The following PTPRM variants were observed in gnomAD, a reference collection of about 807,000 sequenced individuals.
PTPRM encodes receptor-type tyrosine-protein phosphatase mu.
A neutral mutation model predicts 186.7 loss-of-function variants in PTPRM; 47 were observed. The ratio of observed to expected loss-of-function variants is 0.25; its 90% CI spans 0.20 to 0.32. The LOEUF (loss-of-function observed/expected upper bound fraction) is 0.32. PTPRM is among the 10% of genes least tolerant of loss of function. The pLI, the probability that PTPRM is intolerant of heterozygous loss-of-function variation, is 1.00. For synonymous variants in PTPRM, 668 were observed against 674.9 expected, an observed-to-expected ratio of 0.99 and a Z score of 0.16; for missense variants, 1,494 against 1,865.0, an observed-to-expected ratio of 0.80 and a Z score of 3.66.
At chr18:7,577,729 C>T (rs1220576668) in intron 1 of PTPRM, among the ~76,000 whole-genome samples, 1 of 152,194 alleles carries the variant, frequency 6.6e-6, no homozygotes, top group Non-Finnish European at 1.5e-5. Flanking sequence ...AAAATTTCCA[C>T]CATGAGTTCA....
chr18:7,811,225 A>T (rs2044495398), intron 2 of PTPRM, among the ~76,000 whole-genome samples: 2 of 152,208 alleles, frequency 1.3e-5, no homozygotes, highest in Admixed American at 6.5e-5. Context: ...TTTCCATCAG[A>T]GACACCCTTT....
intron 19 of PTPRM, among the ~76,000 whole-genome samples, chr18:8,295,652 C>G (rs180874839): frequency 1.1e-3 from 173 of 152,302 alleles, no homozygotes; most frequent in African/African-American, 3.9e-3. Context: ...AACCTCCTCA[C>G]ATAGTTGACC....
chr18:8,392,436 A>G (rs374244611), intron 31 of PTPRM, among the ~76,000 whole-genome samples: 1 of 152,104 alleles, frequency 6.6e-6, no homozygotes, highest in Non-Finnish European at 1.5e-5. Flanking sequence ...TATCCTGGCT[A>G]ACACGGTGAA....
chr18:7,596,149 G>C (rs1316666336), intron 1 of PTPRM, among the ~76,000 whole-genome samples: 1 of 152,128 alleles, frequency 6.6e-6, no homozygotes, highest in East Asian at 1.9e-4. Context: ...GGGCCCTTAT[G>C]AAGTGAAATA....
intron 5 of PTPRM, among the ~76,000 whole-genome samples, chr18:7,935,251 C>G (rs576906225): frequency 6.6e-6 from 1 of 152,116 alleles, no homozygotes; most frequent in African/African-American, 2.4e-5. Flanking sequence ...GCTATGGGAA[C>G]CATTTGCTCT....
At chr18:7,956,551 G>A (rs2053323189) in intron 7 of PTPRM, among the ~76,000 whole-genome samples, 1 of 152,182 alleles carries the variant, frequency 6.6e-6, no homozygotes, top group Non-Finnish European at 1.5e-5. Context: ...GTACTTTGCT[G>A]TTTTGTACAT....
At chr18:7,815,897 G>A (rs11875998) in intron 2 of PTPRM, among the ~76,000 whole-genome samples, 4,612 of 152,184 alleles carry the variant, frequency 0.03, 255 homozygotes, top group African/African-American at 0.1. Flanking sequence ...ATAAGGAAAC[G>A]GCTGCCCTCA....
chr18:8,000,494 C>A (rs1231971614), intron 7 of PTPRM, among the ~76,000 whole-genome samples: 1 of 152,100 alleles, frequency 6.6e-6, no homozygotes, highest in African/African-American at 2.4e-5. Flanking sequence ...TAACAGAATT[C>A]TCACTTGGGG....
At chr18:7,574,066 C>A (rs1044421566) in intron 1 of PTPRM, among the ~76,000 whole-genome samples, 1 of 152,144 alleles carries the variant, frequency 6.6e-6, no homozygotes, top group South Asian at 2.1e-4. Flanking sequence ...ATTGGAGAAC[C>A]CTTGTTCTAA....
At chr18:8,146,893 T>C (rs2092900241) in intron 14 of PTPRM, among the ~76,000 whole-genome samples, 1 of 152,198 alleles carries the variant, frequency 6.6e-6, no homozygotes. Flanking sequence ...CCAACACCAT[T>C]TATTAAATAG....
At chr18:8,262,915 G>A (rs542287599) in intron 19 of PTPRM, among the ~76,000 whole-genome samples, 5 of 152,066 alleles carry the variant, frequency 3.3e-5, no homozygotes, top group Non-Finnish European at 5.9e-5. Context: ...GATGGATATA[G>A]AACTATTAAA....
intron 13 of PTPRM, among the ~76,000 whole-genome samples, chr18:8,127,517 A>G (rs146788513): frequency 0.013 from 2,030 of 151,940 alleles, 18 homozygotes; most frequent in South Asian, 0.054. Context: ...AAAAAATAAC[A>G]TCCTTGCCAC....
chr18:8,030,084 G>A (rs1000647854), intron 7 of PTPRM, among the ~76,000 whole-genome samples: 3 of 152,164 alleles, frequency 2.0e-5, no homozygotes, highest in East Asian at 1.9e-4. Flanking sequence ...CACACAAGTC[G>A]ATGCCAATCT....
chr18:7,647,840 G>A (rs117146022), intron 1 of PTPRM, among the ~76,000 whole-genome samples: 2 of 152,152 alleles, frequency 1.3e-5, no homozygotes, highest in African/African-American at 4.8e-5. Flanking sequence ...AGTTGGGGTC[G>A]GGCCTAATAA....
chr18:7,724,818 TA>T (rs2040513708), intron 1 of PTPRM, among the ~76,000 whole-genome samples: 2 of 152,218 alleles, frequency 1.3e-5, no homozygotes, highest in South Asian at 4.1e-4. Flanking sequence ...CTCTGACTCA[TA>T]ATGTTAGTTT....
At position 7,789,515 on chromosome 18, in the gene PTPRM, A is replaced by T. The variant is rs868834929; in HGVS notation, c.196+15244A>T. On this transcript the variant is annotated intron_variant, in intron 2 of 32. Transcript: ENST00000580170. ...TCATGAAGTGGCATAGACTTGCTGA[A>T]GATTAATTTCCTCTACTAATTGGCT... Among the ~76,000 whole-genome samples the T allele has an allele frequency of 8.0e-3, 1,222 of 152,298 alleles. 15 individuals are homozygous for T. The highest frequency in any genetic ancestry group is 0.028 in the African/African-American group (1,166 of 41,552).
intron 7 of PTPRM, among the ~76,000 whole-genome samples, chr18:7,966,057 T>C (rs2054024693): frequency 6.6e-6 from 1 of 152,222 alleles, no homozygotes; most frequent in Non-Finnish European, 1.5e-5. Context: ...TTTATGAGGG[T>C]TAGCCATGTT....
chr18:7,678,445 C>T (rs1323407248), intron 1 of PTPRM, among the ~76,000 whole-genome samples: 1 of 152,152 alleles, frequency 6.6e-6, no homozygotes, highest in Non-Finnish European at 1.5e-5. Context: ...ATGCAGGGAG[C>T]ACTGAGAGGA....
chr18:8,147,056 T>C lies in PTPRM; in HGVS notation c.2300+3277T>C, dbSNP rs2092903843. Among the ~76,000 whole-genome samples, 2 of 152,228 alleles carry C rather than the reference T, an allele frequency of 1.3e-5. 1 individual carries two copies. The highest frequency in any genetic ancestry group is 4.1e-4 in the South Asian group (2 of 4,834). On this transcript the variant is annotated intron_variant, in intron 14 of 32. Transcript: ENST00000580170. ...CATGCTGTTTTGGTTACTGTAGCCT[T>C]GTAGTATAGTTTGAAGTCAGGTAGC...
Sources: gnomAD v4.1 joint callset for allele counts (sites outside exome capture counted in the v4.1 genomes callset) on GRCh38, gnomAD v4.1.1 for gene constraint, MANE v1.5 for transcripts, NCBI Gene and HGNC (gene_info 2026-07-23, HGNC 2026-07-21) for gene names.